Variants in DST observed in about 807,000 individuals in gnomAD.
DST encodes the protein dystonin, also known as bullous pemphigoid antigen.
Under a neutral mutation model 875.2 loss-of-function variants are expected in DST, and 253 were observed. The observed-to-expected ratio is 0.29, with a 90% CI of 0.26 to 0.32. The LOEUF (loss-of-function observed/expected upper bound fraction) is 0.32. Among genes scored for constraint, DST ranks in the 10% least tolerant of loss-of-function variants. The pLI, the probability that DST is intolerant of heterozygous loss-of-function variation, is 1.00. For synonymous variants in DST, 3,124 were observed against 3,197.1 expected, an observed-to-expected ratio of 0.98 and a Z score of 0.77; for missense variants, 8,287 against 9,111.6, an observed-to-expected ratio of 0.91 and a Z score of 3.68.
At chr6:56,791,038 C>G (rs192893537) in intron 4 of DST, among the ~76,000 whole-genome samples, 37 of 152,302 alleles carry the variant, frequency 2.4e-4, no homozygotes, top group African/African-American at 8.9e-4. Flanking sequence ...GAGAGGCCAA[C>G]AAAGAAGGCC....
At chr6:56,616,614 G>T in intron 36 of DST, 1 of 1,614,136 alleles carries the variant, frequency 6.2e-7, no homozygotes, top group Non-Finnish European at 8.5e-7. Context: ...TTGCTGGATG[G>T]CTCATGTAAA....
chr6:56,804,960 G>T (rs2099751415), intron 4 of DST, among the ~76,000 whole-genome samples: 1 of 151,782 alleles, frequency 6.6e-6, no homozygotes, highest in African/African-American at 2.4e-5. Context: ...AATTGTGAGT[G>T]TTCTGATTAT....
intron 4 of DST, among the ~76,000 whole-genome samples, chr6:56,844,863 C>T (rs2099805377): frequency 7.3e-6 from 1 of 137,094 alleles, no homozygotes; most frequent in African/African-American, 2.7e-5. Flanking sequence ...CAGAGCAAGA[C>T]TCCGTCTCAA....
rs1402163380 is a variant in DST at position 56,535,107 on chromosome 6, G to A, written c.16941+15C>T. ...ATTTAATATGAAACGCAATACAAAA[G>A]CATGACTAACTTACCTTTTGTTCTT... On this transcript the variant is annotated intron_variant, in intron 63 of 103. Transcript: ENST00000680361. 6.2e-7 allele frequency: 1 copy of A among 1,610,230 alleles called. No individual in the cohort carries two copies.
intron 50 of DST, among the ~76,000 whole-genome samples, 181 bp from the exon 51 acceptor site, chr6:56,574,068 A>G (rs2097823633): frequency 6.6e-6 from 1 of 152,206 alleles, no homozygotes; most frequent in African/African-American, 2.4e-5. Context: ...TAAAGAAAGA[A>G]AAGAGCCCAA....
chr6:56,734,081 G>A (rs2099513974), intron 5 of DST, among the ~76,000 whole-genome samples: 1 of 152,216 alleles, frequency 6.6e-6, no homozygotes, highest in Non-Finnish European at 1.5e-5. Flanking sequence ...CATAAAGTAT[G>A]TGCAGAATGA....
intron 4 of DST, among the ~76,000 whole-genome samples, chr6:56,835,070 A>G (rs1419907969): frequency 2.0e-5 from 3 of 152,206 alleles, no homozygotes; most frequent in Non-Finnish European, 2.9e-5. Context: ...GCATATTGCT[A>G]AGTAAAAGAA....
chr6:56,904,843 G>A (rs35942895), intron 2 of DST, among the ~76,000 whole-genome samples: 32,090 of 152,148 alleles, frequency 0.21, 3,642 homozygotes, highest in Middle Eastern at 0.26. Context: ...AGGCTGGAGT[G>A]CAGTGGCGCA....
intron 97 of DST, among the ~76,000 whole-genome samples, 183 bp from the exon 98 acceptor site, chr6:56,469,182 T>A (rs2094748345): frequency 6.6e-6 from 1 of 152,180 alleles, no homozygotes; most frequent in Non-Finnish European, 1.5e-5. Context: ...TCTGTACACA[T>A]ATTTTTGAAA....
At chr6:56,639,108 G>A in intron 22 of DST, 151 bp downstream of exon 22, 2 of 704,582 alleles carry the variant, frequency 2.8e-6, no homozygotes, top group Non-Finnish European at 5.0e-6. Flanking sequence ...AGAACTGAAG[G>A]CAATCAGTAC....
At chr6:56,871,470 A>T (rs896642024) in intron 3 of DST, 1 of 1,590,718 alleles carries the variant, frequency 6.3e-7, no homozygotes, top group Non-Finnish European at 8.6e-7. Flanking sequence ...TTTGCTGCAC[A>T]TGCTTAAAAA....
rs560056561 is a variant in DST at position 56,781,509 on chromosome 6, T to C, written c.626-46220A>G. On this transcript the variant is annotated intron_variant, in intron 4 of 103. Coordinates refer to ENST00000680361, the MANE Select transcript of DST (RefSeq NM_001374736.1). Reference sequence around the variant, plus strand: ...ACTGTGAATGGGAGTTCACTCATGATTTGGCTCTCTGTTTGTCTGTTATTG... The same window carrying C: ...ACTGTGAATGGGAGTTCACTCATGACTTGGCTCTCTGTTTGTCTGTTATTG... 1.9e-4 allele frequency among the ~76,000 whole-genome samples: 29 copies of C among 152,346 alleles called. 1 individual carries two copies. In the East Asian group the frequency reaches 5.2e-3, roughly 27 times the overall value.
chr6:56,596,035 A>ATTTATTTATTTATTTATTTG (rs1174453226), intron 47 of DST, among the ~76,000 whole-genome samples: 3 of 151,188 alleles, frequency 2.0e-5, no homozygotes, highest in African/African-American at 7.3e-5. Context: ...TTATTTATTT[A>ATTTATTTATTTATTTATTTG]TTTATTTATT....
intron 5 of DST, among the ~76,000 whole-genome samples, chr6:56,715,544 G>C (rs113644786): frequency 0.013 from 2,005 of 152,178 alleles, 42 homozygotes; most frequent in African/African-American, 0.046. Flanking sequence ...AGGATCTCTA[G>C]AATTTCCTTA....
At chr6:56,588,941 C>T (rs1355089453) in intron 49 of DST, among the ~76,000 whole-genome samples, 4 of 152,084 alleles carry the variant, frequency 2.6e-5, no homozygotes, top group Admixed American at 2.6e-4. Flanking sequence ...AAAAAAAAAT[C>T]CCTCAAGACA....
intron 5 of DST, among the ~76,000 whole-genome samples, chr6:56,731,954 A>G (rs547119047): frequency 2.0e-5 from 3 of 152,372 alleles, no homozygotes; most frequent in East Asian, 1.9e-4. Flanking sequence ...TGATATAATA[A>G]AACAAATGAT....
intron 61 of DST, among the ~76,000 whole-genome samples, chr6:56,551,794 A>C (rs1366800599): frequency 6.6e-6 from 1 of 152,240 alleles, no homozygotes; most frequent in East Asian, 1.9e-4. Flanking sequence ...AAGAAAGGGC[A>C]GAAAAGACGG....
At chr6:56,610,402 C>T (rs1451894916) in intron 39 of DST, 25 bp downstream of exon 39, 2 of 1,511,904 alleles carry the variant, frequency 1.3e-6, no homozygotes, top group Non-Finnish European at 8.9e-7. Flanking sequence ...TTGAAACAGC[C>T]TCATGTTTAA....
rs2095800559 is a variant in DST at position 56,492,948 on chromosome 6, T to C, written c.20536A>G (p.Ile6846Val). 1.9e-6 allele frequency: 3 copies of C among 1,606,976 alleles called. No homozygotes were observed. Among genetic ancestry groups the C allele is most frequent in the East Asian group, 4.5e-5 (2 of 44,666 alleles). ...SLILDTVLFQIDEHKVFANEV... is the reference protein window; with the variant it reads ...SLILDTVLFQVDEHKVFANEV... ...TCACTACATACCTTGTGTTCGTCAA[T>C]TTGAAATAAGACTGTGTCCAAGATG... Residue 6846 changes from isoleucine to valine, a missense_variant, in exon 84 of 104, where the codon ATT becomes GTT. Ile to Val is a conservative substitution (Grantham distance 29). Around this residue, in one of 10 missense-constraint regions of DST, gnomAD observed 1,292 missense variants for 1,552.7 expected, o/e 0.83. Transcript: ENST00000680361.
Sources: allele counts gnomAD v4.1 joint callset (sites outside exome capture counted in the v4.1 genomes callset), GRCh38; gene constraint gnomAD v4.1.1; regional missense constraint gnomAD v4.1.1; transcripts MANE v1.5; gene names NCBI Gene and HGNC (gene_info 2026-07-23, HGNC 2026-07-21).